The following PKHD1L1 variants were observed in gnomAD, a reference collection of about 807,000 sequenced individuals.
PKHD1L1 encodes PKHD1 like 1.
A neutral mutation model predicts 462.9 loss-of-function variants in PKHD1L1; 434 were observed. The ratio of observed to expected loss-of-function variants is 0.94; its 90% confidence interval spans 0.87 to 1.02. The LOEUF is 1.02. Among genes scored for constraint, PKHD1L1 ranks in the 50% least tolerant of loss-of-function variants. PKHD1L1 has a pLI of 0.00. For missense variants in PKHD1L1, 5,202 were observed against 5,096.1 expected (o/e 1.02, Z -0.63); for synonymous variants, 1,781 against 1,750.0 (o/e 1.02, Z -0.44).
At position 109,406,483 on chromosome 8, in the gene PKHD1L1, G is replaced by A. The variant is rs750858493; in HGVS notation, c.1813+5G>A. 7 of 1,589,514 alleles carry A rather than the reference G, an allele frequency of 4.4e-6. No homozygotes were observed. The Admixed American group carries it at 1.1e-4, about 24-fold the overall frequency. Reference sequence around the variant, plus strand: ...TAACATTCATATCAACTAGAGGTAAGCATGTACTTAATTTTGTACTTCTGT... The same window carrying A: ...TAACATTCATATCAACTAGAGGTAAACATGTACTTAATTTTGTACTTCTGT... On this transcript the variant is annotated splice_donor_5th_base_variant and intron_variant, in intron 17 of 77. Transcript: ENST00000378402.
At chr8:109,504,919 G>C (rs1819616155) in intron 68 of PKHD1L1, among the ~76,000 whole-genome samples, 1 of 152,024 alleles carries the variant, frequency 6.6e-6, no homozygotes, top group South Asian at 2.1e-4. Context: ...TGCCACTCAG[G>C]CTGGAGTGCG....
At chr8:109,426,301 C>T (rs1415661669) in intron 24 of PKHD1L1, among the ~76,000 whole-genome samples, 2 of 151,922 alleles carry the variant, frequency 1.3e-5, no homozygotes, top group Admixed American at 6.6e-5. Flanking sequence ...ATCATTTTAA[C>T]ACTCAATATA....
rs200520733 is a variant in PKHD1L1, at chr8:109,382,519, C to T, written c.365C>T (p.Thr122Met). 3.2e-5 allele frequency: 51 copies of T among 1,612,540 alleles called. No homozygotes were observed. The highest frequency in any genetic ancestry group is 1.7e-4 in the Middle Eastern group (1 of 6,058). The change falls in exon 4 of 78, where the codon ACG (threonine) becomes ATG (methionine). Residue 122 changes from threonine to methionine, a missense_variant. This residue lies in a region of PKHD1L1 where 4,497 missense variants were observed against 4,336.8 expected (regional missense o/e 1.04). Coordinates refer to ENST00000378402, the MANE Select transcript of PKHD1L1 (RefSeq NM_177531.6). ...GTCAGTGTGGACGGGGTTCCTGTTA[C>T]GGAAAATAACACCTGCAAAGGTCAC... is the stretch of plus-strand genomic sequence containing the variant. The part of the protein sequence containing the change: ...VRVSVDGVPV[T>M]ENNTCKGHIN...
rs774850869 is a variant in PKHD1L1 at position 109,504,503 on chromosome 8, T to A, written c.10994+11T>A. 43 of 1,432,098 alleles carry A rather than the reference T, an allele frequency of 3.0e-5. No homozygotes were observed. Among genetic ancestry groups the A allele is most frequent in the Non-Finnish European group, 4.0e-5 (43 of 1,075,036 alleles). 88.7% of individuals were successfully genotyped at this position (1,432,098 alleles called of 1,614,324 possible). A position where few individuals can be genotyped will look rare whatever the true frequency, so the allele number is the denominator to read the frequency against. On this transcript the variant is annotated intron_variant, in intron 68 of 77. Transcript: ENST00000378402. Reference sequence around the variant, plus strand: ...TAGGCCTGATATAAGGTAAAATACATAAAAATTGTGGTTTTTCTATCTTTA... The same window carrying A: ...TAGGCCTGATATAAGGTAAAATACAAAAAAATTGTGGTTTTTCTATCTTTA...
At chr8:109,440,209 A>G (rs912976434) in intron 32 of PKHD1L1, among the ~76,000 whole-genome samples, 1 of 152,096 alleles carries the variant, frequency 6.6e-6, no homozygotes, top group Non-Finnish European at 1.5e-5. Flanking sequence ...ACCAAGCAAA[A>G]TAAATTAAAA....
intron 2 of PKHD1L1, among the ~76,000 whole-genome samples, chr8:109,374,182 C>G (rs1256058243): frequency 6.6e-6 from 1 of 152,130 alleles, no homozygotes; most frequent in Non-Finnish European, 1.5e-5. Flanking sequence ...AATCTGGGTG[C>G]TCCTGTACTG....
At position 109,504,450 on chromosome 8, in the gene PKHD1L1, C is replaced by A. The variant is rs368106292; in HGVS notation, c.10952C>A (p.Thr3651Asn). The A allele has an allele frequency of 5.2e-6, 8 of 1,547,372 alleles. No homozygotes were observed. The African/African-American group carries it at 1.1e-4, about 22-fold the overall frequency. ...GTGAAGAATATAAAACTGGTTGATA[C>A]CACTGAACAATCAAAAATATTTATA... Reference protein sequence around the residue: ...IHVKNIKLVDTTEQSKIFIHR... With the variant: ...IHVKNIKLVDNTEQSKIFIHR... The change falls in exon 68 of 78, where the codon ACC becomes AAC. Residue 3651 changes from threonine to asparagine, a missense_variant. Physicochemically the swap from Thr to Asn is moderately conservative, Grantham distance 65. This residue lies in a region of PKHD1L1 where 698 missense variants were observed against 736.3 expected (regional missense o/e 0.95). Transcript: ENST00000378402.
At chr8:109,373,420 G>A (rs181003912) in intron 2 of PKHD1L1, among the ~76,000 whole-genome samples, 62 of 152,030 alleles carry the variant, frequency 4.1e-4, no homozygotes, top group African/African-American at 1.2e-3. Flanking sequence ...TCCTGCTAGC[G>A]GTCTATCAAT....
intron 50 of PKHD1L1, 103 bp from the exon 51 acceptor site, chr8:109,475,015 C>G: frequency 9.1e-7 from 1 of 1,103,160 alleles, no homozygotes; most frequent in Non-Finnish European, 1.3e-6. Context: ...CCAACATTTG[C>G]TAAACCAACC....
intron 67 of PKHD1L1, among the ~76,000 whole-genome samples, chr8:109,501,905 C>T (rs1466438461): frequency 6.6e-6 from 1 of 152,002 alleles, no homozygotes; most frequent in Non-Finnish European, 1.5e-5. Context: ...AGTCTACTTC[C>T]TTCCAGGCCC....
intron 56 of PKHD1L1, among the ~76,000 whole-genome samples, chr8:109,482,400 G>T (rs189662994): frequency 1.3e-5 from 2 of 151,768 alleles, no homozygotes; most frequent in East Asian, 3.9e-4. Flanking sequence ...TATCTGTAAA[G>T]AATACACATC....
At chr8:109,425,842 A>G (rs1814719278) in intron 24 of PKHD1L1, among the ~76,000 whole-genome samples, 1 of 152,138 alleles carries the variant, frequency 6.6e-6, no homozygotes, top group Admixed American at 6.6e-5. Context: ...GACTAGTGCC[A>G]CATGTCAAAA....
intron 27 of PKHD1L1, among the ~76,000 whole-genome samples, chr8:109,431,629 A>G (rs1815107608): frequency 6.6e-6 from 1 of 152,196 alleles, no homozygotes; most frequent in South Asian, 2.1e-4. Flanking sequence ...TGTCATTCAG[A>G]ATTCATTTTG....
chr8:109,463,642 A>G (rs1360212808), intron 48 of PKHD1L1, among the ~76,000 whole-genome samples: 2 of 152,186 alleles, frequency 1.3e-5, no homozygotes, highest in Admixed American at 6.5e-5. Flanking sequence ...GAAAGAATGC[A>G]CAGCAGGGTG....
chr8:109,388,469 A>ATT, intron 6 of PKHD1L1, 28 bp from the exon 7 acceptor site: 2 of 1,451,130 alleles, frequency 1.4e-6, no homozygotes, highest in Non-Finnish European at 1.9e-6. Flanking sequence ...ACATAACTTG[A>ATT]TTTTTTCTAA....
At chr8:109,493,598 T>C (rs1343132340) in intron 62 of PKHD1L1, 63 bp from the exon 63 acceptor site, 3 of 1,069,420 alleles carry the variant, frequency 2.8e-6, no homozygotes, top group Non-Finnish European at 4.1e-6. Flanking sequence ...ATATACTTAC[T>C]CTCGATTTAT....
At chr8:109,386,329 A>T (rs1812441435) in intron 6 of PKHD1L1, among the ~76,000 whole-genome samples, 1 of 152,200 alleles carries the variant, frequency 6.6e-6, no homozygotes, top group Non-Finnish European at 1.5e-5. Context: ...TTCCTACAGA[A>T]AAAAGTGTAG....
At chr8:109,410,053 C>T in intron 19 of PKHD1L1, 75 bp downstream of exon 19, 2 of 790,894 alleles carry the variant, frequency 2.5e-6, no homozygotes, top group Admixed American at 7.8e-5. Context: ...TATAATTTCT[C>T]TTCTGAAGTA....
chr8:109,426,114 A>G (rs2130670149), intron 24 of PKHD1L1, among the ~76,000 whole-genome samples: 1 of 152,202 alleles, frequency 6.6e-6, no homozygotes, highest in African/African-American at 2.4e-5. Context: ...GGCAAGTGAC[A>G]TTTTTATGTT....
Sources: allele counts gnomAD v4.1 joint callset (sites outside exome capture counted in the v4.1 genomes callset), GRCh38; gene constraint gnomAD v4.1.1; regional missense constraint gnomAD v4.1.1; transcripts MANE v1.5; gene names NCBI Gene and HGNC (gene_info 2026-07-23, HGNC 2026-07-21).